RALGAPA1: variants seen among roughly 807,000 people sequenced by gnomAD.
RALGAPA1 encodes the protein ral GTPase-activating protein subunit alpha-1.
RALGAPA1 carries 52 observed loss-of-function variants against 269.6 expected under a neutral mutation model. The ratio of observed to expected loss-of-function variants is 0.19; its 90% CI spans 0.15 to 0.24. RALGAPA1 has a LOEUF of 0.24. RALGAPA1 is among the 10% of genes least tolerant of loss of function. The pLI is 1.00. For synonymous variants in RALGAPA1, 817 were observed against 1,008.3 expected, an observed-to-expected ratio of 0.81 and a Z score of 3.60; for missense variants, 1,917 against 3,013.9, an observed-to-expected ratio of 0.64 and a Z score of 8.52.
At chr14:35,764,019 T>C (rs1354418986) in intron 4 of RALGAPA1, among the ~76,000 whole-genome samples, 1 of 152,154 alleles carries the variant, frequency 6.6e-6, no homozygotes, top group Non-Finnish European at 1.5e-5. Flanking sequence ...CTAGTGACAC[T>C]GAACATCTTT....
At chr14:35,780,637 CAGG>C (rs938829603) in intron 1 of RALGAPA1, among the ~76,000 whole-genome samples, 4 of 152,080 alleles carry the variant, frequency 2.6e-5, no homozygotes, top group African/African-American at 7.2e-5. Context: ...AGAAAAATCA[CAGG>C]AGAAGTTAGA....
intron 37 of RALGAPA1, among the ~76,000 whole-genome samples, chr14:35,594,690 T>C (rs554290727): frequency 6.6e-6 from 1 of 151,466 alleles, no homozygotes; most frequent in African/African-American, 2.4e-5. Context: ...TAGTACACTG[T>C]TGGTAGAAAT....
At chr14:35,760,789 A>G in intron 6 of RALGAPA1, 40 bp downstream of exon 6, 1 of 1,481,290 alleles carries the variant, frequency 6.8e-7, no homozygotes, top group South Asian at 1.2e-5. Flanking sequence ...CTACATAGAG[A>G]GCTTAAACCT....
At chr14:35,759,924 A>G (rs1487263341) in intron 6 of RALGAPA1, among the ~76,000 whole-genome samples, 2 of 151,940 alleles carry the variant, frequency 1.3e-5, no homozygotes, top group Non-Finnish European at 2.9e-5. Flanking sequence ...AAAAAAAAAA[A>G]AAAAGAAAGG....
intron 19 of RALGAPA1, 98 bp from the exon 20 acceptor site, chr14:35,685,243 G>T: frequency 1.8e-6 from 2 of 1,081,720 alleles, no homozygotes; most frequent in South Asian, 3.3e-5. Flanking sequence ...TAAATGCTGA[G>T]ATTTAGAGGC....
intron 17 of RALGAPA1, among the ~76,000 whole-genome samples, chr14:35,694,875 G>A (rs559643265): frequency 2.2e-4 from 34 of 152,100 alleles, no homozygotes; most frequent in African/African-American, 7.5e-4. Flanking sequence ...TCAAGAGTTC[G>A]AGATCAGCCT....
At chr14:35,588,584 C>G (rs1006380851) in intron 37 of RALGAPA1, among the ~76,000 whole-genome samples, 5 of 151,976 alleles carry the variant, frequency 3.3e-5, no homozygotes, top group Non-Finnish European at 7.4e-5. Flanking sequence ...ATTAGAATGA[C>G]TATTATCAAA....
intron 26 of RALGAPA1, among the ~76,000 whole-genome samples, chr14:35,670,982 G>A (rs950564516): frequency 9.2e-5 from 14 of 151,364 alleles, no homozygotes; most frequent in South Asian, 8.3e-4. Context: ...TTCTATGGTG[G>A]ATGCCTTACC....
intron 26 of RALGAPA1, among the ~76,000 whole-genome samples, chr14:35,669,993 G>A (rs1311881087): frequency 1.3e-5 from 2 of 152,164 alleles, no homozygotes; most frequent in South Asian, 2.1e-4. Context: ...AGTAAGACAT[G>A]ATTACTGTTC....
At chr14:35,687,794 T>A (rs950079031) in intron 18 of RALGAPA1, among the ~76,000 whole-genome samples, 4 of 152,156 alleles carry the variant, frequency 2.6e-5, no homozygotes, top group Non-Finnish European at 5.9e-5. Context: ...ACAAAGTAAT[T>A]AAAGTGTTTC....
chr14:35,567,575 C>G (rs986647290), intron 39 of RALGAPA1, among the ~76,000 whole-genome samples: 2 of 152,034 alleles, frequency 1.3e-5, no homozygotes, highest in African/African-American at 2.4e-5. Context: ...TTAATGCTTT[C>G]TAACTGCAAA....
At chr14:35,668,994 T>C (rs1237365863) in intron 26 of RALGAPA1, among the ~76,000 whole-genome samples, 1 of 152,164 alleles carries the variant, frequency 6.6e-6, no homozygotes, top group Non-Finnish European at 1.5e-5. Context: ...TGAACACATC[T>C]CACTCATGCC....
intron 35 of RALGAPA1, among the ~76,000 whole-genome samples, chr14:35,620,360 T>A (rs1353699405): frequency 6.6e-6 from 1 of 152,154 alleles, no homozygotes; most frequent in Non-Finnish European, 1.5e-5. Flanking sequence ...GCAACGTATC[T>A]CAAAATAACT....
intron 16 of RALGAPA1, 42 bp downstream of exon 16, chr14:35,721,646 G>A: frequency 3.3e-6 from 5 of 1,516,934 alleles, no homozygotes; most frequent in South Asian, 1.2e-5. Context: ...GACTATAAAT[G>A]TAGTGCCCTG....
At chr14:35,762,564 C>T (rs2073815672) in intron 5 of RALGAPA1, 146 bp downstream of exon 5, 1 of 705,874 alleles carries the variant, frequency 1.4e-6, no homozygotes, top group African/African-American at 1.8e-5. Context: ...CCTCTTGCTA[C>T]ATTTTAAGGG....
At chr14:35,546,728 TA>T (rs2054495827) in intron 41 of RALGAPA1, among the ~76,000 whole-genome samples, 1 of 152,086 alleles carries the variant, frequency 6.6e-6, no homozygotes. Context: ...TTAAAAACTT[TA>T]CACTATTATG....
intron 16 of RALGAPA1, among the ~76,000 whole-genome samples, chr14:35,714,773 A>G (rs2068661847): frequency 6.6e-6 from 1 of 152,012 alleles, no homozygotes. Context: ...ATATTCTTTT[A>G]GAAGTTATTT....
intron 39 of RALGAPA1, among the ~76,000 whole-genome samples, chr14:35,560,818 T>C (rs2056140181): frequency 1.3e-5 from 2 of 152,190 alleles, no homozygotes; most frequent in African/African-American, 4.8e-5. Context: ...AGAATAAACT[T>C]TCTTTACTAT....
intron 28 of RALGAPA1, among the ~76,000 whole-genome samples, chr14:35,657,432 C>T (rs574915469): frequency 6.0e-4 from 91 of 152,006 alleles, no homozygotes; most frequent in African/African-American, 2.1e-3. Context: ...TCAGGTGATC[C>T]ACTCTCCTCG....
Sources: allele counts gnomAD v4.1 joint callset (sites outside exome capture counted in the v4.1 genomes callset), GRCh38; gene constraint gnomAD v4.1.1; transcripts MANE v1.5; gene names NCBI Gene and HGNC (gene_info 2026-07-23, HGNC 2026-07-21).